The following MICU1 variants were observed in gnomAD, a reference collection of about 807,000 sequenced individuals.
The protein encoded by MICU1 is mitochondrial calcium uptake 1, also known as calcium uptake protein 1, mitochondrial.
Under a neutral mutation model 56.8 loss-of-function variants are expected in MICU1, and 45 were observed. That is an observed-to-expected ratio of 0.79 (90% CI 0.62 to 1.02). The LOEUF is 1.02. Among genes scored for constraint, MICU1 ranks in the 50% least tolerant of loss-of-function variants. MICU1 has a pLI of 0.00. For missense variants in MICU1, 504 were observed against 587.1 expected, an observed-to-expected ratio of 0.86 and a Z score of 1.46; for synonymous variants, 186 against 195.1, an observed-to-expected ratio of 0.95 and a Z score of 0.39.
rs1189983150 is a variant in MICU1 at position 72,475,243 on chromosome 10, G to C, written c.790C>G (p.Pro264Ala). Residue 264 changes from proline (P) to alanine (A), a missense_variant, in exon 8 of 12, where the codon CCA becomes GCA. Coordinates refer to ENST00000361114, the MANE Select transcript of MICU1 (RefSeq NM_001195518.2). ...GACTTGAGGGTGTTGCCAGTAGTTG[G>C]ACGATCTCTGTGGCGCATACCCATA... The part of the protein sequence containing the change: ...TSMGMRHRDR[P>A]TTGNTLKSGL... 3 of 1,610,110 alleles carry C rather than the reference G, an allele frequency of 1.9e-6. No homozygotes were observed. Among genetic ancestry groups the C allele is most frequent in the Admixed American group, 1.7e-5 (1 of 59,488 alleles).
intron 8 of MICU1, 21 bp downstream of exon 8, chr10:72,475,079 C>G: frequency 6.3e-7 from 1 of 1,594,038 alleles, no homozygotes; most frequent in Non-Finnish European, 8.6e-7. Context: ...GATGGATCTA[C>G]TGAGTCTAAG....
At chr10:72,478,784 A>G (rs1866199602) in intron 6 of MICU1, among the ~76,000 whole-genome samples, 1 of 152,102 alleles carries the variant, frequency 6.6e-6, no homozygotes. Flanking sequence ...TTCACTTGAT[A>G]TTGACTTCCA....
intron 4 of MICU1, among the ~76,000 whole-genome samples, chr10:72,535,933 T>C (rs148691823): frequency 7.6e-4 from 115 of 152,200 alleles, no homozygotes; most frequent in African/African-American, 2.7e-3. Flanking sequence ...GCTGACATTA[T>C]GTTAAATGAA....
chr10:72,478,693 G>A (rs1240503843), intron 6 of MICU1, among the ~76,000 whole-genome samples: 1 of 152,202 alleles, frequency 6.6e-6, no homozygotes, highest in Non-Finnish European at 1.5e-5. Flanking sequence ...CCATTTTCAG[G>A]TAGTTAGGCA....
At chr10:72,565,889 G>C (rs1840420727) in intron 2 of MICU1, among the ~76,000 whole-genome samples, 1 of 152,048 alleles carries the variant, frequency 6.6e-6, no homozygotes, top group Admixed American at 6.6e-5. Context: ...TTTTAAGAAA[G>C]AGAAGACTGT....
intron 8 of MICU1, among the ~76,000 whole-genome samples, chr10:72,432,244 C>T (rs1864560244): frequency 6.6e-6 from 1 of 151,996 alleles, no homozygotes; most frequent in Admixed American, 6.6e-5. Flanking sequence ...CAGGCGTGTG[C>T]CACCATGCCC....
chr10:72,491,676 A>G (rs1866659689), intron 6 of MICU1, among the ~76,000 whole-genome samples: 1 of 152,198 alleles, frequency 6.6e-6, no homozygotes, highest in African/African-American at 2.4e-5. Flanking sequence ...CTGGTCCTAT[A>G]TAACAGATCA....
intron 8 of MICU1, among the ~76,000 whole-genome samples, chr10:72,467,195 G>T (rs1341235987): frequency 6.6e-6 from 1 of 151,498 alleles, no homozygotes; most frequent in African/African-American, 2.4e-5. Context: ...GTTTTGTTTT[G>T]TTTTTTGAGA....
intron 5 of MICU1, among the ~76,000 whole-genome samples, chr10:72,513,547 G>C (rs1268850744): frequency 6.6e-6 from 1 of 152,128 alleles, no homozygotes; most frequent in East Asian, 1.9e-4. Context: ...AAGCAGAAAA[G>C]TTTTAAATAT....
At chr10:72,415,606 G>A (rs112796898) in intron 9 of MICU1, among the ~76,000 whole-genome samples, 9 of 152,068 alleles carry the variant, frequency 5.9e-5, no homozygotes, top group East Asian at 1.9e-4. Context: ...TATCCCTTCC[G>A]CTCACAACAT....
intron 1 of MICU1, among the ~76,000 whole-genome samples, chr10:72,611,996 T>C (rs1375166752): frequency 9.9e-6 from 1 of 100,878 alleles, no homozygotes; most frequent in African/African-American, 4.1e-5. Context: ...CCTTATCTCT[T>C]AAAAACCAAC....
At chr10:72,590,683 T>G in intron 1 of MICU1, among the ~76,000 whole-genome samples, 1 of 151,428 alleles carries the variant, frequency 6.6e-6, no homozygotes, top group Admixed American at 6.6e-5. Context: ...CATGGTGGGG[T>G]GTGCCTGTAA....
chr10:72,567,416 GT>G (rs1241619106), intron 1 of MICU1, among the ~76,000 whole-genome samples: 1 of 152,180 alleles, frequency 6.6e-6, no homozygotes, highest in Non-Finnish European at 1.5e-5. Flanking sequence ...ATAGGGAGCA[GT>G]TACTATTCTA....
At chr10:72,480,265 G>T (rs879755997) in intron 6 of MICU1, among the ~76,000 whole-genome samples, 1 of 152,216 alleles carries the variant, frequency 6.6e-6, no homozygotes, top group African/African-American at 2.4e-5. Flanking sequence ...GACTGGCTTA[G>T]ACTACTGTGT....
At chr10:72,389,656 T>C (rs927315098) in intron 10 of MICU1, among the ~76,000 whole-genome samples, 1 of 152,190 alleles carries the variant, frequency 6.6e-6, no homozygotes, top group Non-Finnish European at 1.5e-5. Context: ...TAGTTCAAAG[T>C]ACACCGAGGA....
intron 1 of MICU1, among the ~76,000 whole-genome samples, chr10:72,606,649 G>C (rs543774162): frequency 6.6e-5 from 10 of 151,926 alleles, no homozygotes; most frequent in African/African-American, 2.4e-4. Flanking sequence ...CAGCACCTAA[G>C]AACTTTGAAA....
At chr10:72,438,240 A>T (rs1216796665) in intron 8 of MICU1, among the ~76,000 whole-genome samples, 1 of 151,916 alleles carries the variant, frequency 6.6e-6, no homozygotes, top group Admixed American at 6.6e-5. Flanking sequence ...CAGGATTAAG[A>T]AACTCACTCA....
rs768936992 is a variant in MICU1, at chr10:72,488,025, C to T, written c.653-10769G>A. ...CAGCCTGCCCAACATGGAGAAACCCCGTCTCTACTAAAAATACAAAATTAG... is the reference window on the plus strand; with the variant it reads ...CAGCCTGCCCAACATGGAGAAACCCTGTCTCTACTAAAAATACAAAATTAG... On this transcript the variant is annotated intron_variant, in intron 6 of 11. Transcript: ENST00000361114. Among the ~76,000 whole-genome samples the T allele has an allele frequency of 8.8e-4, 134 of 151,774 alleles. 1 individual carries two copies. Among genetic ancestry groups the T allele is most frequent in the African/African-American group, 1.4e-3 (60 of 41,390 alleles).
intron 6 of MICU1, among the ~76,000 whole-genome samples, chr10:72,479,020 G>A (rs1241628184): frequency 1.3e-5 from 2 of 152,176 alleles, no homozygotes; most frequent in Admixed American, 6.5e-5. Flanking sequence ...CTGTCTGAAT[G>A]TTACATTTTA....
Sources: allele counts gnomAD v4.1 joint callset (sites outside exome capture counted in the v4.1 genomes callset), GRCh38; gene constraint gnomAD v4.1.1; transcripts MANE v1.5; gene names NCBI Gene and HGNC (gene_info 2026-07-23, HGNC 2026-07-21).